GPC6: variants seen among roughly 807,000 people sequenced by gnomAD.
GPC6 encodes glypican 6.
In GPC6, 14 loss-of-function variants were observed where a neutral mutation model predicts 55.2. That is an observed-to-expected ratio of 0.25 (90% CI 0.17 to 0.40). The LOEUF is 0.40. GPC6 is among the 10% of genes least tolerant of loss of function. GPC6 has a pLI of 1.00. For missense variants in GPC6, 641 were observed against 708.5 expected (o/e 0.90, Z 1.08); for synonymous variants, 278 against 259.6 (o/e 1.07, Z -0.68).
rs188239059 is a variant in GPC6, at chr13:93,787,414, A to G, written c.320-42740A>G. ...TGAACCTCTGTTCCAATAAAACCTT[A>G]TTTATAAAAACGGGCAATGGGCCAG... On this transcript the variant is annotated intron_variant, in intron 2 of 8. Transcript: ENST00000377047. 3.9e-3 allele frequency among the ~76,000 whole-genome samples: 596 copies of G among 152,328 alleles called. 1 individual carries two copies. Among genetic ancestry groups the G allele is most frequent in the African/African-American group, 9.7e-3 (404 of 41,586 alleles).
intron 4 of GPC6, among the ~76,000 whole-genome samples, chr13:94,264,075 A>G (rs894567585): frequency 6.6e-6 from 1 of 152,202 alleles, no homozygotes; most frequent in Non-Finnish European, 1.5e-5. Context: ...AAGACTGGGT[A>G]GAGACCTAAA....
chr13:93,618,573 C>T (rs1878820793), intron 2 of GPC6, among the ~76,000 whole-genome samples: 2 of 152,112 alleles, frequency 1.3e-5, no homozygotes, highest in South Asian at 4.1e-4. Flanking sequence ...TCAGTAAACT[C>T]AATGTCTCTA....
chr13:93,478,171 A>C (rs182575456), intron 1 of GPC6, among the ~76,000 whole-genome samples: 14 of 152,306 alleles, frequency 9.2e-5, no homozygotes, highest in Admixed American at 3.3e-4. Flanking sequence ...GAAATGTTAG[A>C]TGCCCAGGCT....
chr13:93,721,352 A>T (rs1225378038), intron 2 of GPC6, among the ~76,000 whole-genome samples: 1 of 151,650 alleles, frequency 6.6e-6, no homozygotes, highest in Non-Finnish European at 1.5e-5. Flanking sequence ...GTCTGAAAAC[A>T]ACTATTATTA....
intron 1 of GPC6, among the ~76,000 whole-genome samples, chr13:93,413,222 G>T (rs914595824): frequency 6.6e-5 from 10 of 152,142 alleles, no homozygotes; most frequent in Non-Finnish European, 1.3e-4. Context: ...TACACTTATG[G>T]TGTCTCTAGC....
intron 3 of GPC6, among the ~76,000 whole-genome samples, chr13:93,942,626 G>T (rs867767904): frequency 6.6e-6 from 1 of 152,100 alleles, no homozygotes; most frequent in African/African-American, 2.4e-5. Flanking sequence ...CCGGCCCACA[G>T]TGTCTTTTAA....
At chr13:94,290,855 A>C (rs2139092193) in intron 5 of GPC6, among the ~76,000 whole-genome samples, 1 of 152,340 alleles carries the variant, frequency 6.6e-6, no homozygotes, top group Middle Eastern at 3.4e-3. Context: ...GTACTTTAAT[A>C]TGATACATAT....
rs1042716244 is a variant in GPC6 at position 93,620,870 on chromosome 13, C to T, written c.319+75449C>T. On this transcript the variant is annotated intron_variant, in intron 2 of 8. Transcript: ENST00000377047. Reference sequence around the variant, plus strand: ...AGACCTTTTCTTCATGTACCACCAACGAGGCCACATCCTTCACCTATTTAG... The same window carrying T: ...AGACCTTTTCTTCATGTACCACCAATGAGGCCACATCCTTCACCTATTTAG... Among the ~76,000 whole-genome samples, 10 of 152,208 alleles carry T rather than the reference C, an allele frequency of 6.6e-5. No homozygotes were observed. The East Asian group carries it at 1.4e-3, about 21-fold the overall frequency.
intron 2 of GPC6, among the ~76,000 whole-genome samples, chr13:93,740,938 A>G (rs1037548498): frequency 6.6e-6 from 1 of 152,138 alleles, no homozygotes; most frequent in Non-Finnish European, 1.5e-5. Context: ...GTTTCTGGAA[A>G]GGGAAATAAG....
At chr13:93,616,400 G>T (rs752373649) in intron 2 of GPC6, among the ~76,000 whole-genome samples, 32 of 152,044 alleles carry the variant, frequency 2.1e-4, no homozygotes, top group Non-Finnish European at 4.3e-4. Context: ...CAATATGTGC[G>T]ATTAGATCAT....
Position 93,612,540 on chromosome 13 carries a change from CACAA to C in GPC6, c.319+67122_319+67125del, listed in dbSNP as rs1204530132. ...ACACACACACACACACACACACACA[CACAA>C]ACTTCATGTGGCATTTGTGCAGTTT... is the stretch of plus-strand genomic sequence containing the variant. On this transcript the variant is annotated intron_variant, in intron 2 of 8. Transcript: ENST00000377047. 2.7e-5 allele frequency among the ~76,000 whole-genome samples: 4 copies of C among 150,464 alleles called. No homozygotes were observed. In the East Asian group the frequency reaches 5.8e-4, roughly 22 times the overall value.
At position 93,830,625 on chromosome 13, in the gene GPC6, A is replaced by C. The variant is rs763832711; in HGVS notation, c.711+80A>C. On this transcript the variant is annotated intron_variant, in intron 3 of 8. Coordinates refer to ENST00000377047, the MANE Select transcript of GPC6 (RefSeq NM_005708.5). ...AAAACCAATGTTTAAAAAAAAAAAA[A>C]AAAAAAAAAAAAACCAAGGTAAAAA... 5.9e-5 allele frequency: 73 copies of C among 1,239,048 alleles called. 1 individual carries two copies. Among genetic ancestry groups the C allele is most frequent in the Admixed American group, 1.8e-4 (7 of 37,920 alleles). The allele number at this position is 1,239,048 out of a possible 1,614,324, so 76.8% of individuals were successfully genotyped here.
At chr13:94,390,770 G>A (rs982556183) in intron 7 of GPC6, among the ~76,000 whole-genome samples, 1 of 152,130 alleles carries the variant, frequency 6.6e-6, no homozygotes, top group African/African-American at 2.4e-5. Flanking sequence ...GTCAAGCCAG[G>A]TGTTCTAAAA....
chr13:93,325,997 C>T (rs1474860486), intron 1 of GPC6, among the ~76,000 whole-genome samples: 4 of 152,014 alleles, frequency 2.6e-5, no homozygotes, highest in Admixed American at 6.6e-5. Context: ...GTAACATAGT[C>T]GTGGTTTGTA....
At chr13:93,664,776 C>T (rs1249187845) in intron 2 of GPC6, among the ~76,000 whole-genome samples, 2 of 152,142 alleles carry the variant, frequency 1.3e-5, no homozygotes, top group Non-Finnish European at 2.9e-5. Context: ...CGCCACCACG[C>T]CTGGCACACA....
chr13:93,266,659 G>C (rs1414909284), intron 1 of GPC6, among the ~76,000 whole-genome samples: 1 of 152,174 alleles, frequency 6.6e-6, no homozygotes, highest in Non-Finnish European at 1.5e-5. Flanking sequence ...TGCATATACA[G>C]TTTGTATTAA....
In GPC6 at chr13:93,430,744, A is replaced by G. The variant is rs576340246; in HGVS notation, c.161-114519A>G. Among the ~76,000 whole-genome samples the G allele has an allele frequency of 2.4e-4, 36 of 152,306 alleles. No individual in the cohort carries two copies. The South Asian group carries it at 7.2e-3, about 31-fold the overall frequency. ...TCTTTATGCCTCAAGAAAATCCTGC[A>G]AAGTGCTCCTTTAAATGCTTATACA... is the stretch of plus-strand genomic sequence containing the variant. On this transcript the variant is annotated intron_variant, in intron 1 of 8. Transcript: ENST00000377047.
At chr13:93,415,558 G>C (rs1876666281) in intron 1 of GPC6, among the ~76,000 whole-genome samples, 1 of 152,020 alleles carries the variant, frequency 6.6e-6, no homozygotes, top group Non-Finnish European at 1.5e-5. Context: ...ATTAGTCACT[G>C]GGTTAAATAG....
intron 2 of GPC6, among the ~76,000 whole-genome samples, chr13:93,725,788 C>T (rs1269000763): frequency 1.3e-5 from 2 of 151,624 alleles, no homozygotes; most frequent in African/African-American, 4.8e-5. Context: ...CCAAAAATAC[C>T]AAAAATAAAA....
Sources: gnomAD v4.1 joint callset for allele counts (sites outside exome capture counted in the v4.1 genomes callset) on GRCh38, gnomAD v4.1.1 for gene constraint, MANE v1.5 for transcripts, NCBI Gene and HGNC (gene_info 2026-07-23, HGNC 2026-07-21) for gene names.